STAM: variants seen among roughly 807,000 people sequenced by gnomAD.
STAM encodes signal transducing adaptor molecule.
A neutral mutation model predicts 63.4 loss-of-function variants in STAM; 16 were observed. The ratio of observed to expected loss-of-function variants is 0.25; its 90% CI spans 0.17 to 0.38. The LOEUF (loss-of-function observed/expected upper bound fraction) is 0.38, where lower values mean the gene tolerates loss of function less well. STAM is among the 10% of genes least tolerant of loss of function. The probability of loss-of-function intolerance (pLI) is 1.00; values close to 1 mark genes in which losing one functional copy is unlikely to be tolerated. For missense variants in STAM, 636 were observed against 657.1 expected (o/e 0.97, Z 0.35); for synonymous variants, 238 against 223.9 (o/e 1.06, Z -0.56).
chr10:17,644,686 C>G (rs1401223889), intron 1 of STAM, among the ~76,000 whole-genome samples: 6 of 152,164 alleles, frequency 3.9e-5, no homozygotes, highest in Non-Finnish European at 7.4e-5. Context: ...AGGGACTGTG[C>G]TTCTGGAAGA....
chr10:17,713,419 C>G (rs529042353), intron 13 of STAM, among the ~76,000 whole-genome samples: 1 of 150,832 alleles, frequency 6.6e-6, no homozygotes, highest in Non-Finnish European at 1.5e-5. Flanking sequence ...GCTTGAATAG[C>G]TGACTGCCTA....
At chr10:17,669,832 G>C (rs542806330) in intron 2 of STAM, among the ~76,000 whole-genome samples, 6 of 150,932 alleles carry the variant, frequency 4.0e-5, no homozygotes, top group African/African-American at 1.5e-4. Context: ...CCAGTAGCTG[G>C]GACTACAGGC....
At chr10:17,674,331 T>C (rs1554824409) in intron 2 of STAM, among the ~76,000 whole-genome samples, 1 of 152,162 alleles carries the variant, frequency 6.6e-6, no homozygotes, top group Non-Finnish European at 1.5e-5. Context: ...GTTTATTATA[T>C]CTCAAAGTTA....
At chr10:17,683,815 TTCATA>T (rs1205727591) in intron 2 of STAM, among the ~76,000 whole-genome samples, 1 of 152,274 alleles carries the variant, frequency 6.6e-6, no homozygotes, top group East Asian at 1.9e-4. Flanking sequence ...AGTTTTCTTC[TTCATA>T]TCATGTCTTC....
At chr10:17,687,250 G>C (rs1430688654) in intron 4 of STAM, among the ~76,000 whole-genome samples, 3 of 152,222 alleles carry the variant, frequency 2.0e-5, no homozygotes, top group Admixed American at 6.5e-5. Context: ...TGAGGCGGGC[G>C]AATCAGTTGG....
intron 12 of STAM, among the ~76,000 whole-genome samples, chr10:17,706,726 C>T (rs1305970011): frequency 4.6e-5 from 7 of 152,036 alleles, no homozygotes; most frequent in Non-Finnish European, 1.0e-4. Context: ...ACTTAAGAAC[C>T]TTAGTTCTTC....
chr10:17,692,376 A>G (rs1251098859), intron 5 of STAM, among the ~76,000 whole-genome samples: 4 of 152,240 alleles, frequency 2.6e-5, no homozygotes, highest in African/African-American at 7.2e-5. Context: ...TCAAAAGGGA[A>G]AAAGTGAACG....
chr10:17,684,582 C>T (rs1204352342), intron 2 of STAM, 93 bp from the exon 3 acceptor site: 15 of 906,892 alleles, frequency 1.7e-5, no homozygotes, highest in African/African-American at 1.0e-4. Context: ...TCATAGTCTC[C>T]CTTTTTATCG....
chr10:17,652,241 T>C (rs1193769227), intron 1 of STAM, among the ~76,000 whole-genome samples: 1 of 150,882 alleles, frequency 6.6e-6, no homozygotes, highest in African/African-American at 2.4e-5. Flanking sequence ...TTTATATCCT[T>C]CTGATTAAAA....
At chr10:17,680,738 A>C (rs1418538396) in intron 2 of STAM, among the ~76,000 whole-genome samples, 1 of 152,158 alleles carries the variant, frequency 6.6e-6, no homozygotes, top group South Asian at 2.1e-4. Flanking sequence ...ACCTCATCTA[A>C]GGGGCATCAT....
At position 17,695,169 on chromosome 10, in the gene STAM, A is replaced by G; in HGVS notation, c.656A>G (p.Tyr219Cys). 1.2e-6 allele frequency: 2 copies of G among 1,614,094 alleles called. No homozygotes were observed. The highest frequency in any genetic ancestry group is 8.5e-7 in the Non-Finnish European group (1 of 1,179,970). ...GAAGGCCGAAAAGTTCGTGCTATAT[A>G]TGACTTTGAAGCTGCTGAAGACAAT... The part of the protein sequence containing the change: ...QHEGRKVRAI[Y>C]DFEAAEDNEL... The change falls in exon 7 of 14, where the codon TAT becomes TGT. Residue 219 changes from tyrosine to cysteine, a missense_variant. Tyr to Cys is a radical substitution (Grantham distance 194). Transcript: ENST00000377524.
chr10:17,687,686 C>T (rs1169127832), intron 4 of STAM, among the ~76,000 whole-genome samples: 1 of 152,148 alleles, frequency 6.6e-6, no homozygotes. Context: ...ATCATTTATT[C>T]TCTCCTTCCC....
intron 1 of STAM, among the ~76,000 whole-genome samples, chr10:17,647,238 G>C (rs1833553018): frequency 6.6e-6 from 1 of 152,180 alleles, no homozygotes; most frequent in African/African-American, 2.4e-5. Context: ...GAAACGTAAA[G>C]ATAACTTATT....
At chr10:17,667,910 G>T (rs1280132114) in intron 2 of STAM, among the ~76,000 whole-genome samples, 1 of 151,934 alleles carries the variant, frequency 6.6e-6, no homozygotes, top group African/African-American at 2.4e-5. Context: ...GAAGTCAGTT[G>T]CCCTGAATGA....
chr10:17,690,966 G>A (rs1310036881), intron 5 of STAM, among the ~76,000 whole-genome samples: 1 of 152,114 alleles, frequency 6.6e-6, no homozygotes, highest in Non-Finnish European at 1.5e-5. Context: ...TTATTTCTGC[G>A]CTTCTCTACT....
At chr10:17,666,387 ATTTTTTTT>A (rs10673746) in intron 2 of STAM, among the ~76,000 whole-genome samples, 10 of 85,912 alleles carry the variant, frequency 1.2e-4, no homozygotes, top group African/African-American at 4.0e-4. Context: ...TTGGCTTTGT[ATTTTTTTT>A]TTTTTTTTTT....
At chr10:17,674,270 T>C (rs1360850285) in intron 2 of STAM, among the ~76,000 whole-genome samples, 2 of 152,246 alleles carry the variant, frequency 1.3e-5, no homozygotes, top group Admixed American at 1.3e-4. Context: ...AGTTATCTCT[T>C]ACTACACAAC....
chr10:17,712,910 CAG>C lies in STAM; in HGVS notation c.1386-1628_1386-1627del, dbSNP rs768698800. ...GCTCAGTACGTGAGGGGTGCAGCTG[CAG>C]AGAGTTGATCAGTGTGGTGTTGGAG... On this transcript the variant is annotated intron_variant, in intron 13 of 13. Coordinates refer to ENST00000377524, the MANE Select transcript of STAM (RefSeq NM_003473.4). 1.9e-3 allele frequency among the ~76,000 whole-genome samples: 296 copies of C among 152,178 alleles called. 1 individual carries two copies. The highest frequency in any genetic ancestry group is 3.1e-3 in the Non-Finnish European group (210 of 68,014).
intron 1 of STAM, among the ~76,000 whole-genome samples, chr10:17,659,773 T>C (rs993619487): frequency 5.3e-5 from 8 of 152,158 alleles, no homozygotes; most frequent in African/African-American, 1.9e-4. Context: ...TCTAATGCTG[T>C]TTTTTTCTTT....
Sources: gnomAD v4.1 joint callset for allele counts (sites outside exome capture counted in the v4.1 genomes callset) on GRCh38, gnomAD v4.1.1 for gene constraint, MANE v1.5 for transcripts, NCBI Gene and HGNC (gene_info 2026-07-23, HGNC 2026-07-21) for gene names.